HARBI1: variants seen among roughly 807,000 people sequenced by gnomAD.
HARBI1 encodes the protein putative nuclease HARBI1.
HARBI1 carries 15 observed loss-of-function variants against 25.3 expected under a neutral mutation model. The ratio of observed to expected loss-of-function variants is 0.59; its 90% CI spans 0.40 to 0.91. The LOEUF is 0.91. HARBI1 is among the 40% of genes least tolerant of loss of function. HARBI1 has a pLI of 0.00. For missense variants in HARBI1, 396 were observed against 445.8 expected (o/e 0.89, Z 1.01); for synonymous variants, 168 against 160.5 (o/e 1.05, Z -0.35).
chr11:46,610,638 G>A (rs768423097), intron 2 of HARBI1, among the ~76,000 whole-genome samples: 3 of 152,096 alleles, frequency 2.0e-5, no homozygotes, highest in South Asian at 4.1e-4. Flanking sequence ...CCAGCTGGGC[G>A]ACAGAGCGAG....
chr11:46,606,495 T>A (rs374270829), intron 2 of HARBI1, among the ~76,000 whole-genome samples: 10 of 151,282 alleles, frequency 6.6e-5, no homozygotes, highest in African/African-American at 2.4e-4. Context: ...GTATTTTTAG[T>A]AGAGATGGGG....
intron 1 of HARBI1, 100 bp from the exon 2 acceptor site, chr11:46,616,481 A>T: frequency 1.5e-6 from 2 of 1,337,610 alleles, no homozygotes; most frequent in Non-Finnish European, 1.9e-6. Flanking sequence ...CATTTTGTTG[A>T]GGCAAAACGT....
At chr11:46,605,827 T>TCCA (rs1349463449) in intron 2 of HARBI1, among the ~76,000 whole-genome samples, 2 of 150,810 alleles carry the variant, frequency 1.3e-5, no homozygotes, top group African/African-American at 4.9e-5. Flanking sequence ...GACTTCATGA[T>TCCA]CCACCCACCT....
In HARBI1 at chr11:46,615,695, G is replaced by T. The variant is rs138485412; in HGVS notation, c.543C>A (p.Asp181Glu). 818 of 1,614,050 alleles carry T rather than the reference G, an allele frequency of 5.1e-4. 1 individual carries two copies. The highest frequency in any genetic ancestry group is 6.6e-4 in the Non-Finnish European group (779 of 1,180,046). The change falls in exon 2 of 3, where the codon GAC becomes GAA. Residue 181 changes from aspartate to glutamate, a missense_variant. Asp to Glu is a conservative substitution (Grantham distance 45). Coordinates refer to ENST00000326737, the MANE Select transcript of HARBI1 (RefSeq NM_173811.4). ...CCACGGTCATTAGTGTCCCTCTAAT[G>T]TCACACACCATCAGGCAGTTTAAAG... is the stretch of plus-strand genomic sequence containing the variant. ...LHSLNCLMVC[D>E]IRGTLMTVET...
intron 2 of HARBI1, among the ~76,000 whole-genome samples, chr11:46,606,992 C>A (rs577901401): frequency 6.6e-6 from 1 of 152,106 alleles, no homozygotes; most frequent in Non-Finnish European, 1.5e-5. Flanking sequence ...AGGCTGGGCA[C>A]GGTGGCTCAC....
intron 2 of HARBI1, among the ~76,000 whole-genome samples, chr11:46,610,554 G>A (rs1439188021): frequency 3.3e-5 from 5 of 152,024 alleles, no homozygotes; most frequent in East Asian, 1.9e-4. Flanking sequence ...CAGCTACTCC[G>A]GAGGCTGAGG....
At position 46,615,553 on chromosome 11, in the gene HARBI1, C is replaced by G. The variant is rs1591263487; in HGVS notation, c.670+15G>C. ...TGCCTCCAAACAAAATGAAAATTCA[C>G]ACTTGCAAACTTACCCAGAAGCCAG... On this transcript the variant is annotated intron_variant, in intron 2 of 2. Transcript: ENST00000326737. The G allele has an allele frequency of 6.2e-7, 1 of 1,605,438 alleles. No homozygotes were observed.
chr11:46,612,970 A>ATTTTTTTTT (rs11301819), intron 2 of HARBI1, among the ~76,000 whole-genome samples: 1 of 34,744 alleles, frequency 2.9e-5, no homozygotes, highest in Non-Finnish European at 4.8e-5. Context: ...CCACACCCGG[A>ATTTTTTTTT]TTTTTTTTTT....
rs374459117 is a variant in HARBI1 at position 46,615,213 on chromosome 11, TTTTC to T, written c.670+351_670+354del. Among the ~76,000 whole-genome samples, 346 of 148,626 alleles carry T rather than the reference TTTTC, an allele frequency of 2.3e-3. 1 individual carries two copies. The highest frequency in any genetic ancestry group is 6.5e-3 in the African/African-American group (262 of 40,208). ...AGGCATGAGCTACACGTGCGGTCCC[TTTTC>T]TTTCTTTCTTTTTTTTTTTTTGAGA... is the stretch of plus-strand genomic sequence containing the variant. On this transcript the variant is annotated intron_variant, in intron 2 of 2. Coordinates refer to ENST00000326737, the MANE Select transcript of HARBI1 (RefSeq NM_173811.4).
intron 2 of HARBI1, among the ~76,000 whole-genome samples, chr11:46,609,201 C>T (rs1361479368): frequency 6.6e-6 from 1 of 151,800 alleles, no homozygotes; most frequent in African/African-American, 2.4e-5. Flanking sequence ...TGGGATTTAG[C>T]ACCTGGCTAA....
At chr11:46,613,107 G>A (rs1405897576) in intron 2 of HARBI1, among the ~76,000 whole-genome samples, 2 of 148,182 alleles carry the variant, frequency 1.3e-5, no homozygotes, top group Non-Finnish European at 3.0e-5. Context: ...AGCTTCCCAA[G>A]TAGATGGGAC....
At position 46,615,880 on chromosome 11, in the gene HARBI1, G is replaced by A. The variant is rs1170516786; in HGVS notation, c.358C>T (p.Arg120Cys). ...ALVERASQFIRFPADEASIQA... is the reference protein window; with the variant it reads ...ALVERASQFICFPADEASIQA... ...ATGGAGGCTTCATCAGCTGGAAAGC[G>A]AATGAACTGTGAGGCCCTTTCCACA... Residue 120 changes from arginine to cysteine, a missense_variant, in exon 2 of 3, where the codon CGC becomes TGC. By Grantham distance (180) the Arg-to-Cys change is radical. Transcript: ENST00000326737. 3.7e-6 allele frequency: 6 copies of A among 1,614,066 alleles called. No homozygotes were observed. The highest frequency in any genetic ancestry group is 1.7e-5 in the Admixed American group (1 of 59,992).
At chr11:46,604,230 C>A (rs993671635) in intron 2 of HARBI1, 2 of 985,164 alleles carry the variant, frequency 2.0e-6, no homozygotes. Context: ...TGCATTTGGC[C>A]GGGCATGGTG....
chr11:46,617,562 C>T (rs1027847469), upstream of HARBI1: 22 of 189,562 alleles, frequency 1.2e-4, no homozygotes, highest in Middle Eastern at 1.8e-3. Flanking sequence ...CGGCCATTAC[C>T]GAAGCGGATG....
In HARBI1 at chr11:46,603,316, C is replaced by A. The variant is rs940524835; in HGVS notation, c.*214G>T. The stretch of plus-strand genomic sequence containing the variant: ...CTAGAGTTCACTGGATAGTAGGGAG[C>A]CGCTGTCTTGGTTTCAGTTTAATTA... On this transcript the variant is annotated 3_prime_UTR_variant, in exon 3 of 3. Transcript: ENST00000326737. 6.3e-6 allele frequency: 3 copies of A among 479,032 alleles called. No individual in the cohort carries two copies. The highest frequency in any genetic ancestry group is 3.9e-5 in the African/African-American group (2 of 51,272). The allele number at this position is 479,032 out of a possible 1,614,324, so 29.7% of individuals were successfully genotyped here.
chr11:46,609,583 T>C (rs574505013), intron 2 of HARBI1, among the ~76,000 whole-genome samples: 2 of 57,854 alleles, frequency 3.5e-5, no homozygotes, highest in East Asian at 6.2e-4. Flanking sequence ...TGACCTCAAG[T>C]GATCCACAGA....
At chr11:46,604,135 A>G in intron 2 of HARBI1, 1 of 985,436 alleles carries the variant, frequency 1.0e-6, no homozygotes, top group Non-Finnish European at 1.2e-6. Context: ...GTAAAAATCG[A>G]CACATAAAAA....
chr11:46,617,042 GC>G (rs2045586672), intron 1 of HARBI1, 81 bp downstream of exon 1: 2 of 980,866 alleles, frequency 2.0e-6, no homozygotes, highest in Non-Finnish European at 2.4e-6. Flanking sequence ...AAGCGACTCT[GC>G]CACTTTTAAA....
rs76877474 is a variant in HARBI1 at position 46,604,204 on chromosome 11, G to A, written c.671-295C>T. 193 of 985,384 alleles carry A rather than the reference G, an allele frequency of 2.0e-4. 2 individuals are homozygous for A. In the East Asian group the frequency reaches 0.02, roughly 104 times the overall value. 61.0% of individuals were successfully genotyped at this position (985,384 alleles called of 1,614,324 possible). On this transcript the variant is annotated intron_variant, in intron 2 of 2. Transcript: ENST00000326737. Reference sequence around the variant, plus strand: ...ATGTAGGAAGGAGGTGAAGGCACTGGAGGAAATAAAATTCCTGCATTTGGC... The same window carrying A: ...ATGTAGGAAGGAGGTGAAGGCACTGAAGGAAATAAAATTCCTGCATTTGGC...
Sources: gnomAD v4.1 joint callset for allele counts (sites outside exome capture counted in the v4.1 genomes callset) on GRCh38, gnomAD v4.1.1 for gene constraint, MANE v1.5 for transcripts, NCBI Gene and HGNC (gene_info 2026-07-23, HGNC 2026-07-21) for gene names.